MTR: variants seen among roughly 807,000 people sequenced by gnomAD.
MTR encodes methionine synthase.
A neutral mutation model predicts 154.8 loss-of-function variants in MTR; 84 were observed. That is an observed-to-expected ratio of 0.54 (90% confidence interval 0.45 to 0.65). MTR has a LOEUF of 0.65. Among genes scored for constraint, MTR ranks in the 30% least tolerant of loss-of-function variants. MTR has a pLI of 0.00. For missense variants in MTR, 1,275 were observed against 1,570.2 expected (o/e 0.81, Z 3.18); for synonymous variants, 554 against 553.9 (o/e 1.00, Z 0.00).
intron 29 of MTR, 54 bp downstream of exon 29, chr1:236,891,383 A>G: frequency 2.6e-6 from 4 of 1,535,522 alleles, no homozygotes; most frequent in Non-Finnish European, 3.6e-6. Flanking sequence ...GAGTTTAAGC[A>G]CTACACAAAA....
chr1:236,879,587 C>T (rs1665615385), intron 24 of MTR, among the ~76,000 whole-genome samples: 1 of 152,162 alleles, frequency 6.6e-6, no homozygotes, highest in Non-Finnish European at 1.5e-5. Flanking sequence ...GTGGCCAGAA[C>T]ACAATTCTCC....
chr1:236,863,311 G>C, intron 21 of MTR, 143 bp from the exon 22 acceptor site: 1 of 741,298 alleles, frequency 1.3e-6, no homozygotes, highest in Non-Finnish European at 2.4e-6. Flanking sequence ...TGAACTGTTT[G>C]GGCTTCGGTT....
intron 4 of MTR, 53 bp from the exon 5 acceptor site, chr1:236,810,450 C>A: frequency 6.9e-7 from 1 of 1,441,312 alleles, no homozygotes; most frequent in Non-Finnish European, 9.8e-7. Flanking sequence ...TCATTCACGA[C>A]AAAAAATGTT....
intron 19 of MTR, among the ~76,000 whole-genome samples, chr1:236,860,429 G>GT (rs1664472707): frequency 6.6e-6 from 1 of 150,688 alleles, no homozygotes; most frequent in Non-Finnish European, 1.5e-5. Context: ...TGGCTCTGGA[G>GT]TTTAACATTT....
chr1:236,852,367 T>C (rs1252853571), intron 16 of MTR, among the ~76,000 whole-genome samples, 154 bp from the exon 17 acceptor site: 1 of 152,140 alleles, frequency 6.6e-6, no homozygotes, highest in Non-Finnish European at 1.5e-5. Context: ...CGGCAAGCTT[T>C]GGTCTATGTC....
intron 22 of MTR, among the ~76,000 whole-genome samples, chr1:236,871,310 C>G (rs776894829): frequency 1.8e-4 from 24 of 136,068 alleles, no homozygotes; most frequent in Non-Finnish European, 3.5e-4. Context: ...TTTTCCTCCT[C>G]CTCTGAACTT....
chr1:236,836,523 A>G (rs1387561569), intron 14 of MTR, among the ~76,000 whole-genome samples: 1 of 152,300 alleles, frequency 6.6e-6, no homozygotes, highest in East Asian at 1.9e-4. Flanking sequence ...GTTGTGAGCC[A>G]TTGTGCCTGG....
intron 1 of MTR, among the ~76,000 whole-genome samples, chr1:236,798,236 T>C (rs1660510599): frequency 6.6e-6 from 1 of 152,332 alleles, no homozygotes; most frequent in South Asian, 2.1e-4. Context: ...TCAGATCTAT[T>C]TGGGGTCATT....
intron 6 of MTR, among the ~76,000 whole-genome samples, chr1:236,814,296 G>C (rs1661468778): frequency 6.6e-6 from 1 of 152,112 alleles, no homozygotes; most frequent in Non-Finnish European, 1.5e-5. Flanking sequence ...AATGAGAGCA[G>C]TAACAAGATA....
intron 25 of MTR, among the ~76,000 whole-genome samples, chr1:236,884,184 C>G (rs1665898875): frequency 6.6e-6 from 1 of 152,124 alleles, no homozygotes; most frequent in African/African-American, 2.4e-5. Context: ...GCCTCATTCC[C>G]TCAGCAAACA....
At position 236,897,962 on chromosome 1, in the gene MTR, T is replaced by C. The variant is rs756753913; in HGVS notation, c.*318T>C. ...TTTCAAAGCAAGTCAACCTGCTTTTTTCTGTTTTTACAGTGGAATCTAGGA... is the reference window on the plus strand; with the variant it reads ...TTTCAAAGCAAGTCAACCTGCTTTTCTCTGTTTTTACAGTGGAATCTAGGA... On this transcript the variant is annotated 3_prime_UTR_variant, in exon 33 of 33. Coordinates refer to ENST00000366577, the MANE Select transcript of MTR (RefSeq NM_000254.3). The C allele has an allele frequency of 2.7e-4, 86 of 321,398 alleles. No homozygotes were observed. Among genetic ancestry groups the C allele is most frequent in the Non-Finnish European group, 4.1e-4 (71 of 174,386 alleles). 19.9% of individuals were successfully genotyped at this position (321,398 alleles called of 1,614,324 possible). A position where few individuals can be genotyped will look rare whatever the true frequency, so the allele number is the denominator to read the frequency against.
chr1:236,898,025 G>A lies in MTR; in HGVS notation c.*381G>A, dbSNP rs1172226468. 1 of 252,766 alleles carries A rather than the reference G, an allele frequency of 4.0e-6. No individual in the cohort carries two copies. Among genetic ancestry groups the A allele is most frequent in the Admixed American group, 5.2e-5 (1 of 19,290 alleles). The allele number at this position is 252,766 out of a possible 1,614,324, so 15.7% of individuals were successfully genotyped here. A position where few individuals can be genotyped will look rare whatever the true frequency, so the allele number is the denominator to read the frequency against. On this transcript the variant is annotated 3_prime_UTR_variant, in exon 33 of 33. Transcript: ENST00000366577. ...GTCTTTTTTTCCTCTTAGAAGAAAA[G>A]CCTGAAACTGAGTTGAATAGAGAAG...
At chr1:236,846,264 T>C (rs1663564759) in intron 15 of MTR, among the ~76,000 whole-genome samples, 1 of 152,228 alleles carries the variant, frequency 6.6e-6, no homozygotes. Flanking sequence ...TAGATTTAGT[T>C]CTCTTTTTCT....
chr1:236,886,323 G>GA lies in MTR; in HGVS notation c.2812dup (p.Ser938LysfsTer10). On this transcript the variant is annotated frameshift_variant, in exon 27 of 33. Transcript: ENST00000366577. LOFTEE classifies it high-confidence loss of function. ...AGATACTTACCCTTAAGTCAAGCCA[G>GA]AAAAAGTGGTTTCCAAATGGATTGG... The GA allele has an allele frequency of 6.2e-7, 1 of 1,614,188 alleles. No homozygotes were observed. The highest frequency in any genetic ancestry group is 8.5e-7 in the Non-Finnish European group (1 of 1,180,030).
chr1:236,797,631 A>T (rs531327946), intron 1 of MTR, among the ~76,000 whole-genome samples: 1 of 152,258 alleles, frequency 6.6e-6, no homozygotes, highest in Admixed American at 6.5e-5. Context: ...GAAATAATAT[A>T]TATTAAAAAT....
At chr1:236,811,102 G>A (rs1365717861) in intron 5 of MTR, among the ~76,000 whole-genome samples, 1 of 152,214 alleles carries the variant, frequency 6.6e-6, no homozygotes, top group African/African-American at 2.4e-5. Flanking sequence ...AATCATGGCA[G>A]AAGGCAAGGA....
intron 1 of MTR, chr1:236,800,199 A>G: frequency 1.0e-6 from 1 of 985,462 alleles, no homozygotes; most frequent in African/African-American, 1.7e-5. Context: ...GAAGAAGGAC[A>G]TGTAAATAAT....
chr1:236,876,070 T>A (rs1306707697), intron 24 of MTR, among the ~76,000 whole-genome samples: 1 of 152,180 alleles, frequency 6.6e-6, no homozygotes, highest in African/African-American at 2.4e-5. Flanking sequence ...GAGGATAATG[T>A]GCTTTACTTA....
At chr1:236,849,405 T>C (rs1243014860) in intron 15 of MTR, among the ~76,000 whole-genome samples, 4 of 151,978 alleles carry the variant, frequency 2.6e-5, no homozygotes, top group Non-Finnish European at 5.9e-5. Context: ...CGAAGAAGAA[T>C]GGAGGAGGTG....
Sources: gnomAD v4.1 joint callset for allele counts (sites outside exome capture counted in the v4.1 genomes callset) on GRCh38, gnomAD v4.1.1 for gene constraint, MANE v1.5 for transcripts, NCBI Gene and HGNC (gene_info 2026-07-23, HGNC 2026-07-21) for gene names.